LHFPL3: variants seen among roughly 807,000 people sequenced by gnomAD.
LHFPL3 encodes LHFPL tetraspan subfamily member 3.
A neutral mutation model predicts 19.3 loss-of-function variants in LHFPL3; 5 were observed. That is an observed-to-expected ratio of 0.26 (90% CI 0.14 to 0.54). The LOEUF (loss-of-function observed/expected upper bound fraction) is 0.54. Ranked by LOEUF, LHFPL3 falls within the 20% of genes least tolerant of loss-of-function variation. LHFPL3 has a pLI of 0.94. For missense variants in LHFPL3, 249 were observed against 307.4 expected, an observed-to-expected ratio of 0.81 and a Z score of 1.42; for synonymous variants, 133 against 126.2, an observed-to-expected ratio of 1.05 and a Z score of -0.36.
intron 2 of LHFPL3, among the ~76,000 whole-genome samples, chr7:104,801,760 C>T (rs111970864): frequency 0.012 from 1,857 of 152,014 alleles, 37 homozygotes; most frequent in African/African-American, 0.041. Flanking sequence ...TTAGTAGAGA[C>T]GGGGTTTCAC....
intron 1 of LHFPL3, among the ~76,000 whole-genome samples, chr7:104,673,962 G>GGA (rs1792536908): frequency 2.7e-5 from 4 of 150,250 alleles, no homozygotes; most frequent in African/African-American, 9.8e-5. Context: ...AAGAAACTGG[G>GGA]TGCTGGAAAG....
At chr7:104,450,786 T>C (rs1792421318) in intron 1 of LHFPL3, among the ~76,000 whole-genome samples, 1 of 152,098 alleles carries the variant, frequency 6.6e-6, no homozygotes, top group Non-Finnish European at 1.5e-5. Flanking sequence ...ATATCTAATG[T>C]GATCTTTAAA....
intron 1 of LHFPL3, among the ~76,000 whole-genome samples, chr7:104,479,187 C>T (rs750606295): frequency 3.3e-5 from 5 of 152,182 alleles, no homozygotes; most frequent in Non-Finnish European, 5.9e-5. Context: ...GCTCAGTTTA[C>T]TGAAAGCTAA....
chr7:104,693,793 G>GTTTTTT (rs112118633), intron 1 of LHFPL3, among the ~76,000 whole-genome samples: 1 of 146,534 alleles, frequency 6.8e-6, no homozygotes. Flanking sequence ...CTAATTGTGG[G>GTTTTTT]GTTTTTTTTT....
At chr7:104,449,564 G>A (rs1792392817) in intron 1 of LHFPL3, among the ~76,000 whole-genome samples, 1 of 152,122 alleles carries the variant, frequency 6.6e-6, no homozygotes, top group Non-Finnish European at 1.5e-5. Flanking sequence ...GGGAGGACAG[G>A]GCAGAGAGTA....
intron 2 of LHFPL3, among the ~76,000 whole-genome samples, chr7:104,758,887 C>G (rs924234385): frequency 2.6e-5 from 4 of 152,114 alleles, no homozygotes; most frequent in Non-Finnish European, 5.9e-5. Context: ...CCTCGTAACC[C>G]TAAAGTCTTT....
intron 1 of LHFPL3, among the ~76,000 whole-genome samples, chr7:104,385,612 T>A (rs1265190971): frequency 6.6e-6 from 1 of 152,192 alleles, no homozygotes; most frequent in Non-Finnish European, 1.5e-5. Flanking sequence ...TGGGTATTCA[T>A]CACTTGTGCA....
chr7:104,506,032 T>TC (rs1347770304), intron 1 of LHFPL3, among the ~76,000 whole-genome samples: 2 of 150,564 alleles, frequency 1.3e-5, no homozygotes, highest in Non-Finnish European at 3.0e-5. Context: ...TTTTTTTTTT[T>TC]CTTGAGACGG....
At chr7:104,819,756 A>T (rs572422421) in intron 2 of LHFPL3, among the ~76,000 whole-genome samples, 2 of 152,302 alleles carry the variant, frequency 1.3e-5, no homozygotes, top group Non-Finnish European at 2.9e-5. Flanking sequence ...ATATGTGCGT[A>T]CTTTAACAGG....
chr7:104,368,539 G>A (rs1281211608), intron 1 of LHFPL3, among the ~76,000 whole-genome samples: 2 of 152,078 alleles, frequency 1.3e-5, no homozygotes, highest in Non-Finnish European at 2.9e-5. Flanking sequence ...AGTACTTCTT[G>A]GCTCTTTTAT....
At chr7:104,625,324 G>C (rs960094579) in intron 1 of LHFPL3, among the ~76,000 whole-genome samples, 3 of 152,140 alleles carry the variant, frequency 2.0e-5, no homozygotes, top group Non-Finnish European at 4.4e-5. Flanking sequence ...TTGGCATTTT[G>C]GGTCCTATCA....
chr7:104,734,069 T>G (rs1049647630), intron 1 of LHFPL3, among the ~76,000 whole-genome samples: 1 of 152,348 alleles, frequency 6.6e-6, no homozygotes, highest in South Asian at 2.1e-4. Flanking sequence ...TTCTGGCTTG[T>G]AGAGTTTCTG....
At position 104,441,356 on chromosome 7, in the gene LHFPL3, C is replaced by T. The variant is rs1021282321; in HGVS notation, c.445+112132C>T. ...GACAATTTCTGTTACTGGCTTGTTT[C>T]ATTTAGCATAATATCCTTCAGGTTC... On this transcript the variant is annotated intron_variant, in intron 1 of 2. Coordinates refer to ENST00000424859, the MANE Select transcript of LHFPL3 (RefSeq NM_199000.3). Among the ~76,000 whole-genome samples, 777 of 152,194 alleles carry T rather than the reference C, an allele frequency of 5.1e-3. 21 individuals carry two copies. Among genetic ancestry groups the T allele is most frequent in the Admixed American group, 0.046 (710 of 15,286 alleles).
chr7:104,670,235 C>T (rs73181840), intron 1 of LHFPL3, among the ~76,000 whole-genome samples: 5,659 of 150,796 alleles, frequency 0.038, 127 homozygotes, highest in African/African-American at 0.046. Flanking sequence ...ATGGGAAAAT[C>T]GTGGTTTGAA....
chr7:104,845,541 T>A (rs2116601266), intron 2 of LHFPL3: 1 of 1,300,766 alleles, frequency 7.7e-7, no homozygotes, highest in East Asian at 2.7e-5. Context: ...GCTTAGCACT[T>A]GAGCCGCATG....
At chr7:104,436,002 G>C (rs1792096376) in intron 1 of LHFPL3, among the ~76,000 whole-genome samples, 1 of 151,992 alleles carries the variant, frequency 6.6e-6, no homozygotes, top group Non-Finnish European at 1.5e-5. Context: ...CTAGTGTTTT[G>C]AGAATTATAG....
At chr7:104,812,604 A>T (rs1295847897) in intron 2 of LHFPL3, among the ~76,000 whole-genome samples, 2 of 151,800 alleles carry the variant, frequency 1.3e-5, no homozygotes, top group Non-Finnish European at 2.9e-5. Context: ...GTTCAAGACC[A>T]GCCTGGCCAA....
intron 1 of LHFPL3, among the ~76,000 whole-genome samples, chr7:104,643,850 G>A (rs897550122): frequency 1.3e-5 from 2 of 152,156 alleles, no homozygotes; most frequent in Non-Finnish European, 2.9e-5. Flanking sequence ...CATTTACAAA[G>A]GAACTCCCAT....
intron 1 of LHFPL3, among the ~76,000 whole-genome samples, chr7:104,583,539 T>G (rs964505976): frequency 1.8e-4 from 27 of 151,988 alleles, no homozygotes; most frequent in African/African-American, 5.5e-4. Context: ...CAGAATGGGG[T>G]AAAATTTTTG....
Sources: allele counts gnomAD v4.1 joint callset (sites outside exome capture counted in the v4.1 genomes callset), GRCh38; gene constraint gnomAD v4.1.1; transcripts MANE v1.5; gene names NCBI Gene and HGNC (gene_info 2026-07-23, HGNC 2026-07-21).